ROR1: variants seen among roughly 807,000 people sequenced by gnomAD.
ROR1 encodes ROR family WNT receptor 1, also known as inactive tyrosine-protein kinase transmembrane receptor ROR1.
A neutral mutation model predicts 78.8 loss-of-function variants in ROR1; 19 were observed. The observed-to-expected ratio is 0.24, with a 90% CI of 0.17 to 0.35. ROR1 has a LOEUF of 0.35. ROR1 is among the 10% of genes least tolerant of loss of function. ROR1 has a pLI of 1.00. For missense variants in ROR1, 917 were observed against 1,177.8 expected (o/e 0.78, Z 3.24); for synonymous variants, 386 against 433.6 (o/e 0.89, Z 1.36).
intron 7 of ROR1, among the ~76,000 whole-genome samples, chr1:64,152,618 A>G (rs1175001399): frequency 6.6e-6 from 1 of 152,142 alleles, no homozygotes; most frequent in East Asian, 1.9e-4. Flanking sequence ...CTAATCATGG[A>G]TTTTATAAAC....
intron 1 of ROR1, among the ~76,000 whole-genome samples, chr1:63,889,147 G>C (rs536856245): frequency 6.6e-6 from 1 of 152,260 alleles, no homozygotes; most frequent in African/African-American, 2.4e-5. Context: ...GGCTTTCCCA[G>C]TGAGTCATAT....
chr1:63,891,061 A>G (rs1316242601), intron 1 of ROR1, among the ~76,000 whole-genome samples: 1 of 152,190 alleles, frequency 6.6e-6, no homozygotes, highest in Non-Finnish European at 1.5e-5. Flanking sequence ...TGGGCTCACC[A>G]TGAGTCAGGT....
intron 1 of ROR1, among the ~76,000 whole-genome samples, chr1:64,004,176 TC>T (rs2100536666): frequency 6.6e-6 from 1 of 152,352 alleles, no homozygotes; most frequent in East Asian, 1.9e-4. Flanking sequence ...CGAAGCCACT[TC>T]CCTACCAGGG....
At chr1:63,920,964 G>A (rs1312404838) in intron 1 of ROR1, among the ~76,000 whole-genome samples, 1 of 152,172 alleles carries the variant, frequency 6.6e-6, no homozygotes. Flanking sequence ...TGCTTTACAT[G>A]TCCAAATTCA....
At chr1:64,007,130 A>G (rs1227098747) in intron 1 of ROR1, among the ~76,000 whole-genome samples, 1 of 152,124 alleles carries the variant, frequency 6.6e-6, no homozygotes, top group Non-Finnish European at 1.5e-5. Context: ...TTGAATTGCA[A>G]TTCTTCCACT....
chr1:64,106,477 C>A (rs184649382), intron 4 of ROR1: 22 of 152,236 alleles, frequency 1.4e-4, no homozygotes, highest in Admixed American at 1.4e-3. Context: ...ATTGCCCTGG[C>A]CAAAACTTCA....
At chr1:64,034,399 T>G (rs753613742) in intron 2 of ROR1, among the ~76,000 whole-genome samples, 56 of 152,180 alleles carry the variant, frequency 3.7e-4, no homozygotes, top group Non-Finnish European at 1.9e-4. Context: ...TTTTGTTTCT[T>G]GAATGTCTCA....
At chr1:63,819,627 A>G (rs1323462395) in intron 1 of ROR1, among the ~76,000 whole-genome samples, 1 of 152,214 alleles carries the variant, frequency 6.6e-6, no homozygotes, top group East Asian at 1.9e-4. Flanking sequence ...GAATTGCTAG[A>G]GAAAGGCAGT....
At position 63,998,335 on chromosome 1, in the gene ROR1, G is replaced by C. The variant is rs116546612; in HGVS notation, c.92-10970G>C. Among the ~76,000 whole-genome samples the C allele has an allele frequency of 7.6e-3, 1,158 of 151,678 alleles. 10 individuals carry two copies. The highest frequency in any genetic ancestry group is 0.026 in the African/African-American group (1,079 of 41,344). ...TAGTAAACTGAGTATCATTGAATTA[G>C]GGGGTTTATTTTCTTTCCTATTAAA... On this transcript the variant is annotated intron_variant, in intron 1 of 8. Coordinates refer to ENST00000371079, the MANE Select transcript of ROR1 (RefSeq NM_005012.4).
chr1:63,870,990 A>G (rs1394283078), intron 1 of ROR1, among the ~76,000 whole-genome samples: 2 of 152,202 alleles, frequency 1.3e-5, no homozygotes, highest in East Asian at 3.8e-4. Context: ...TCTTTCCATG[A>G]GGAAGATAAT....
intron 1 of ROR1, among the ~76,000 whole-genome samples, chr1:63,886,164 G>A (rs1313593442): frequency 6.6e-6 from 1 of 152,182 alleles, no homozygotes; most frequent in Admixed American, 6.5e-5. Flanking sequence ...GATCTGACAG[G>A]AAGTGGAGCT....
intron 4 of ROR1, among the ~76,000 whole-genome samples, chr1:64,066,145 A>G (rs1038406801): frequency 2.0e-5 from 3 of 152,022 alleles, no homozygotes; most frequent in Non-Finnish European, 2.9e-5. Flanking sequence ...TCTTCTACTC[A>G]TTATTCTAAG....
At chr1:63,985,609 G>T (rs1646244240) in intron 1 of ROR1, among the ~76,000 whole-genome samples, 1 of 151,970 alleles carries the variant, frequency 6.6e-6, no homozygotes. Flanking sequence ...AGGCATGGTG[G>T]TTCACACATG....
chr1:64,056,396 C>T (rs1441921402), intron 4 of ROR1, among the ~76,000 whole-genome samples: 2 of 151,576 alleles, frequency 1.3e-5, no homozygotes, highest in Non-Finnish European at 2.9e-5. Context: ...TATAGCCAGC[C>T]GGGCGCAGTG....
In ROR1 at chr1:64,180,308, T is replaced by C. The variant is rs1650515316; in HGVS notation, c.*1453T>C. The C allele has an allele frequency of 6.6e-6, 1 of 152,210 alleles. No homozygotes were observed. The highest frequency in any genetic ancestry group is 2.4e-5 in the African/African-American group (1 of 41,452). The allele number at this position is 152,210 out of a possible 1,614,324, so 9.4% of individuals were successfully genotyped here. ...ATTCTAAGAACAATGTCTCAAAGTC[T>C]CATTTTTACTTTAAAGGTATAAGAG... is the stretch of plus-strand genomic sequence containing the variant. On this transcript the variant is annotated 3_prime_UTR_variant, in exon 9 of 9. Coordinates refer to ENST00000371079, the MANE Select transcript of ROR1 (RefSeq NM_005012.4).
At chr1:64,009,243 C>T (rs1440666511) in intron 1 of ROR1, 62 bp from the exon 2 acceptor site, 2 of 1,235,782 alleles carry the variant, frequency 1.6e-6, no homozygotes, top group Non-Finnish European at 2.4e-6. Flanking sequence ...TTCTAACAGC[C>T]TATAAATTAC....
At position 64,157,577 on chromosome 1, in the gene ROR1, C is replaced by T. The variant is rs1649810096; in HGVS notation, c.1175-1404C>T. On this transcript the variant is annotated intron_variant, in intron 7 of 8. Coordinates refer to ENST00000371079, the MANE Select transcript of ROR1 (RefSeq NM_005012.4). ...TGAATAACTGATATGCCATATCTCA[C>T]CTGCCAAACAGTTCCCAAACAAGGT... Among the ~76,000 whole-genome samples, 5 of 152,182 alleles carry T rather than the reference C, an allele frequency of 3.3e-5. No homozygotes were observed. The South Asian group carries it at 1.0e-3, about 32-fold the overall frequency.
Position 63,850,771 on chromosome 1 carries a change from G to A in ROR1, c.91+76263G>A, listed in dbSNP as rs1441141078. Among the ~76,000 whole-genome samples, 10 of 152,054 alleles carry A rather than the reference G, an allele frequency of 6.6e-5. 1 individual carries two copies. Among genetic ancestry groups the A allele is most frequent in the Admixed American group, 6.5e-4 (10 of 15,268 alleles). On this transcript the variant is annotated intron_variant, in intron 1 of 8. Coordinates refer to ENST00000371079, the MANE Select transcript of ROR1 (RefSeq NM_005012.4). ...CTAATTAGTTTGCTATACATCCATT[G>A]TACACAGAACACATTATGTACATTT...
At chr1:63,784,764 G>T (rs1644673791) in intron 1 of ROR1, among the ~76,000 whole-genome samples, 1 of 152,220 alleles carries the variant, frequency 6.6e-6, no homozygotes, top group African/African-American at 2.4e-5. Flanking sequence ...AGGACCATGG[G>T]TAGTGTTTGG....
Sources: allele counts gnomAD v4.1 joint callset (sites outside exome capture counted in the v4.1 genomes callset), GRCh38; gene constraint gnomAD v4.1.1; transcripts MANE v1.5; gene names NCBI Gene and HGNC (gene_info 2026-07-23, HGNC 2026-07-21).